AHNAK: variants seen among roughly 807,000 people sequenced by gnomAD.
AHNAK encodes AHNAK nucleoprotein.
In AHNAK, 23 loss-of-function variants were observed where a neutral mutation model predicts 37.8. The observed-to-expected ratio is 0.61, with a 90% CI of 0.44 to 0.86. AHNAK has a LOEUF of 0.86. Among genes scored for constraint, AHNAK ranks in the 40% least tolerant of loss-of-function variants. The pLI is 0.00. For synonymous variants in AHNAK, 2,481 were observed against 2,636.3 expected, an observed-to-expected ratio of 0.94 and a Z score of 1.80; for missense variants, 7,411 against 7,319.4, an observed-to-expected ratio of 1.01 and a Z score of -0.46.
chr11:62,521,962 G>A lies in AHNAK; in HGVS notation c.12455C>T (p.Pro4152Leu). The A allele has an allele frequency of 1.9e-6, 3 of 1,613,252 alleles. No individual in the cohort carries two copies. The highest frequency in any genetic ancestry group is 2.5e-6 in the Non-Finnish European group (3 of 1,179,894). Reference protein sequence around the residue: ...KMKGDVDVSLPKVEGDLKGPE... With the variant: ...KMKGDVDVSLLKVEGDLKGPE... ...GCCCTTGAGGTCGCCTTCCACTTTG[G>A]GCAGAGAAACGTCCACGTCGCCCTT... is the stretch of plus-strand genomic sequence containing the variant. Residue 4152 changes from proline to leucine, a missense_variant, in exon 5 of 5, where the codon CCC (proline) becomes CTC (leucine). Coordinates refer to ENST00000378024, the MANE Select transcript of AHNAK (RefSeq NM_001620.3).
intron 5 of AHNAK, among the ~76,000 whole-genome samples, chr11:62,460,775 G>T (rs369615548): frequency 2.0e-5 from 3 of 152,010 alleles, no homozygotes; most frequent in Non-Finnish European, 4.4e-5. Context: ...CAGGTATCCT[G>T]GAGACGAGGT....
chr11:62,455,082 G>A (rs930087680), intron 5 of AHNAK, among the ~76,000 whole-genome samples: 34 of 151,652 alleles, frequency 2.2e-4, no homozygotes, highest in Admixed American at 1.7e-3. Flanking sequence ...ACAGACGTAC[G>A]CCACCATGCT....
At position 62,520,312 on chromosome 11, in the gene AHNAK, G is replaced by A. The variant is rs371832611; in HGVS notation, c.14105C>T (p.Ala4702Val). The A allele has an allele frequency of 8.5e-5, 137 of 1,611,914 alleles. No homozygotes were observed. The highest frequency in any genetic ancestry group is 2.9e-4 in the East Asian group (13 of 44,760). The change falls in exon 5 of 5, where the codon GCG becomes GTG. Residue 4702 changes from alanine (A) to valine (V), a missense_variant. Transcript: ENST00000378024. ...CTTGAACTTGGGGCCCTTTAGTTTCGCATCTGGACCTTCGATATTCACATC... is the reference window on the plus strand; with the variant it reads ...CTTGAACTTGGGGCCCTTTAGTTTCACATCTGGACCTTCGATATTCACATC... Reference protein sequence around the residue: ...VPDVNIEGPDAKLKGPKFKMP... With the variant: ...VPDVNIEGPDVKLKGPKFKMP...
chr11:62,435,971 T>C (rs1163746533), intron 5 of AHNAK, among the ~76,000 whole-genome samples: 2 of 152,198 alleles, frequency 1.3e-5, no homozygotes, highest in African/African-American at 4.8e-5. Context: ...CACTGTCACT[T>C]TTCACAGACC....
chr11:62,521,694 C>G lies in AHNAK; in HGVS notation c.12723G>C (p.Lys4241Asn). 1 of 1,614,026 alleles carries G rather than the reference C, an allele frequency of 6.2e-7. No individual in the cohort carries two copies. The highest frequency in any genetic ancestry group is 8.5e-7 in the Non-Finnish European group (1 of 1,180,014). Residue 4241 changes from lysine to asparagine, a missense_variant, in exon 5 of 5, where the codon AAG (lysine) becomes AAC (asparagine). Physicochemically the swap from Lys to Asn is moderately conservative, Grantham distance 94 (BLOSUM62 0). Transcript: ENST00000378024. Reference sequence around the variant, plus strand: ...TCTCAGGCATCTTGAATTTAGGGCCCTTTAGTTTCGCATCTGGACCTTCGA... The same window carrying G: ...TCTCAGGCATCTTGAATTTAGGGCCGTTTAGTTTCGCATCTGGACCTTCGA... Reference protein sequence around the residue: ...VNIEGPDAKLKGPKFKMPEMN... With the variant: ...VNIEGPDAKLNGPKFKMPEMN...
chr11:62,533,110 A>G lies in AHNAK; in HGVS notation c.1307T>C (p.Val436Ala). The change falls in exon 5 of 5, where the codon GTC becomes GCC. Residue 436 changes from valine (V) to alanine (A), a missense_variant. By Grantham distance (64) the Val-to-Ala change is moderately conservative. Transcript: ENST00000378024. The part of the protein sequence containing the change: ...GSKLNVPKMK[V>A]PKFSVSGAKG... ...TGCACCTGATACAGAGAACTTGGGG[A>G]CTTTCATCTTGGGCACATTCAGTTT... The G allele has an allele frequency of 1.3e-6, 2 of 1,580,090 alleles. No homozygotes were observed. The highest frequency in any genetic ancestry group is 1.7e-6 in the Non-Finnish European group (2 of 1,166,808).
chr11:62,508,782 A>C (rs1939857561), intron 4 of AHNAK, among the ~76,000 whole-genome samples: 1 of 152,228 alleles, frequency 6.6e-6, no homozygotes. Context: ...GCATTCATGC[A>C]TGGAATTCTT....
At chr11:62,455,222 C>T (rs1021808024) in intron 5 of AHNAK, among the ~76,000 whole-genome samples, 2 of 151,630 alleles carry the variant, frequency 1.3e-5, no homozygotes, top group African/African-American at 4.8e-5. Flanking sequence ...CATGAGCCAC[C>T]GCACCCGGCC....
At chr11:62,459,019 G>A (rs1370390187) in intron 5 of AHNAK, among the ~76,000 whole-genome samples, 1 of 152,118 alleles carries the variant, frequency 6.6e-6, no homozygotes, top group Non-Finnish European at 1.5e-5. Context: ...GATTTCCTGG[G>A]ATGAGCCTCT....
chr11:62,476,918 T>G (rs1014769687), intron 5 of AHNAK, among the ~76,000 whole-genome samples: 2 of 152,138 alleles, frequency 1.3e-5, no homozygotes, highest in Non-Finnish European at 2.9e-5. Flanking sequence ...CTCAGCAAAT[T>G]GATGAGATGC....
At chr11:62,449,190 T>A (rs1044698699) in intron 5 of AHNAK, among the ~76,000 whole-genome samples, 1 of 152,210 alleles carries the variant, frequency 6.6e-6, no homozygotes, top group African/African-American at 2.4e-5. Flanking sequence ...TCTCATGGTG[T>A]GAGTTTGCCA....
intron 5 of AHNAK, among the ~76,000 whole-genome samples, chr11:62,447,593 T>G (rs569800083): frequency 6.6e-6 from 1 of 151,864 alleles, no homozygotes; most frequent in African/African-American, 2.4e-5. Context: ...TTTCATCTAA[T>G]CACCTGGACA....
chr11:62,481,104 GT>G (rs1369783242), intron 5 of AHNAK, among the ~76,000 whole-genome samples: 1 of 43,868 alleles, frequency 2.3e-5, no homozygotes, highest in African/African-American at 3.7e-5. Context: ...TTTTTTTTTG[GT>G]TTTTTTTTTG....
rs549254883 is a variant in AHNAK, at chr11:62,457,561, G to A, written c.443-23670C>T. Among the ~76,000 whole-genome samples the A allele has an allele frequency of 6.6e-5, 10 of 152,144 alleles. No individual in the cohort carries two copies. The South Asian group carries it at 1.5e-3, about 22-fold the overall frequency. On this transcript the variant is annotated intron_variant, in intron 5 of 5. Transcript: ENST00000257247. Reference sequence around the variant, plus strand: ...AGGGGAATAGCTTGAACCCAGAGGCGGAGGTTGCAGTGAGCCAAGATCAAG... The same window carrying A: ...AGGGGAATAGCTTGAACCCAGAGGCAGAGGTTGCAGTGAGCCAAGATCAAG...
At chr11:62,508,573 G>A (rs150387079) in intron 4 of AHNAK, among the ~76,000 whole-genome samples, 269 of 152,334 alleles carry the variant, frequency 1.8e-3, no homozygotes, top group African/African-American at 6.0e-3. Context: ...AGCCTCAAGC[G>A]TGTGGTGGAA....
chr11:62,477,945 G>A (rs1414413876), intron 5 of AHNAK, among the ~76,000 whole-genome samples: 2 of 152,156 alleles, frequency 1.3e-5, no homozygotes, highest in Non-Finnish European at 2.9e-5. Context: ...GGAGTAACAT[G>A]TGTATAGGTA....
At chr11:62,486,020 C>G (rs941669032) in intron 5 of AHNAK, among the ~76,000 whole-genome samples, 1 of 68,406 alleles carries the variant, frequency 1.5e-5, no homozygotes, top group Non-Finnish European at 3.0e-5. Flanking sequence ...GACTTTGTCT[C>G]AAAAAAAAAA....
In AHNAK at chr11:62,439,665, A is replaced by G. The variant is rs12807246; in HGVS notation, c.443-5774T>C. Among the ~76,000 whole-genome samples, 71 of 83,298 alleles carry G rather than the reference A, an allele frequency of 8.5e-4. 1 individual carries two copies. The East Asian group carries it at 0.021, about 24-fold the overall frequency. 54.6% of individuals were successfully genotyped at this position (83,298 alleles called of 152,430 possible). On this transcript the variant is annotated intron_variant, in intron 5 of 5. Transcript: ENST00000257247. ...TTGGTTTGTTTTGGATTTTTGTGTG[A>G]TTTTTTTTTTTTTTTTTTTTGAGAT... is the stretch of plus-strand genomic sequence containing the variant.
chr11:62,502,503 AT>A (rs1253418550), intron 4 of AHNAK, among the ~76,000 whole-genome samples: 2 of 152,154 alleles, frequency 1.3e-5, no homozygotes, highest in Admixed American at 6.6e-5. Flanking sequence ...TAGTGATAAG[AT>A]GGCTTATCAA....
Sources: allele counts gnomAD v4.1 joint callset (sites outside exome capture counted in the v4.1 genomes callset), GRCh38; gene constraint gnomAD v4.1.1; transcripts MANE v1.5; gene names NCBI Gene and HGNC (gene_info 2026-07-23, HGNC 2026-07-21).